The following SYTL3 variants were observed in gnomAD, a reference collection of about 807,000 sequenced individuals.
SYTL3 encodes synaptotagmin like 3.
SYTL3 carries 88 observed loss-of-function variants against 82.1 expected under a neutral mutation model. That is an observed-to-expected ratio of 1.07 (90% CI 0.90 to 1.28). The LOEUF (loss-of-function observed/expected upper bound fraction) is 1.28. Ranked by LOEUF, SYTL3 falls within the 50% of genes most tolerant of loss-of-function variation. SYTL3 has a pLI of 0.00. For missense variants in SYTL3, 831 were observed against 757.6 expected (o/e 1.10, Z -1.14); for synonymous variants, 311 against 289.4 (o/e 1.07, Z -0.76).
At chr6:158,659,527 G>A (rs2128358046) in intron 2 of SYTL3, among the ~76,000 whole-genome samples, 1 of 152,184 alleles carries the variant, frequency 6.6e-6, no homozygotes, top group East Asian at 1.9e-4. Context: ...GGCTAATTTT[G>A]TATTTTTAGT....
intron 12 of SYTL3, among the ~76,000 whole-genome samples, chr6:158,746,420 A>G (rs1449300300): frequency 4.7e-5 from 7 of 149,758 alleles, no homozygotes; most frequent in African/African-American, 1.7e-4. Context: ...ACTGACAGAC[A>G]TGAAAAGGTG....
At chr6:158,679,562 T>C (rs886946889) in intron 5 of SYTL3, among the ~76,000 whole-genome samples, 5 of 143,940 alleles carry the variant, frequency 3.5e-5, no homozygotes, top group Admixed American at 1.3e-4. Context: ...ATAAAAATAC[T>C]GTGGTATTTT....
At chr6:158,719,020 A>G (rs1422873616) in intron 10 of SYTL3, among the ~76,000 whole-genome samples, 1 of 152,154 alleles carries the variant, frequency 6.6e-6, no homozygotes, top group Non-Finnish European at 1.5e-5. Flanking sequence ...TTGAGAGTTC[A>G]CGTCCTGCCT....
intron 13 of SYTL3, among the ~76,000 whole-genome samples, chr6:158,756,845 T>A (rs547070102): frequency 6.7e-6 from 1 of 150,204 alleles, no homozygotes; most frequent in Non-Finnish European, 1.5e-5. Context: ...AGACTTTGGC[T>A]TGATTTCTAG....
intron 2 of SYTL3, among the ~76,000 whole-genome samples, chr6:158,654,048 T>C (rs552722710): frequency 2.6e-5 from 4 of 152,360 alleles, no homozygotes; most frequent in Admixed American, 1.3e-4. Flanking sequence ...CAAGATTTGC[T>C]GTTAGGCTGA....
At chr6:158,653,878 C>T (rs1009910112) in intron 2 of SYTL3, among the ~76,000 whole-genome samples, 1 of 152,222 alleles carries the variant, frequency 6.6e-6, no homozygotes, top group African/African-American at 2.4e-5. Context: ...TTCCTTTGAT[C>T]TGATGACTGA....
At chr6:158,746,863 A>G (rs1787735279) in intron 12 of SYTL3, among the ~76,000 whole-genome samples, 1 of 151,726 alleles carries the variant, frequency 6.6e-6, no homozygotes, top group Non-Finnish European at 1.5e-5. Context: ...TATGTTGCTC[A>G]ACCTGATCTT....
At chr6:158,729,834 G>A (rs1190290218) in intron 11 of SYTL3, among the ~76,000 whole-genome samples, 5 of 151,874 alleles carry the variant, frequency 3.3e-5, no homozygotes, top group African/African-American at 1.2e-4. Context: ...CCAAAGTGCT[G>A]GGATTACATA....
intron 13 of SYTL3, 89 bp downstream of exon 13, chr6:158,752,119 C>A: frequency 1.3e-6 from 1 of 791,648 alleles, no homozygotes; most frequent in Non-Finnish European, 1.9e-6. Flanking sequence ...TGCTTTCAAA[C>A]TCTTGACTCA....
intron 12 of SYTL3, among the ~76,000 whole-genome samples, chr6:158,746,385 T>G (rs1226534675): frequency 6.6e-6 from 1 of 151,246 alleles, no homozygotes; most frequent in Non-Finnish European, 1.5e-5. Context: ...ACACAATCCA[T>G]AAAGAGATTT....
chr6:158,730,634 A>C lies in SYTL3; in HGVS notation c.855+4997A>C, dbSNP rs539781646. Among the ~76,000 whole-genome samples, 103 of 152,328 alleles carry C rather than the reference A, an allele frequency of 6.8e-4. 1 individual carries two copies. Among genetic ancestry groups the C allele is most frequent in the African/African-American group, 2.4e-3 (100 of 41,568 alleles). On this transcript the variant is annotated intron_variant, in intron 11 of 17. Coordinates refer to ENST00000611299, the MANE Select transcript of SYTL3 (RefSeq NM_001242394.2). ...CCTGGACTCTCAGCAACGCGGAAAG[A>C]AAGCAGCCAGTAACCTGGAGTGCAG...
chr6:158,746,801 A>G (rs529927047), intron 12 of SYTL3, among the ~76,000 whole-genome samples: 2 of 143,214 alleles, frequency 1.4e-5, no homozygotes, highest in Admixed American at 6.9e-5. Context: ...CTTATTACTA[A>G]CAAAGATGAG....
At chr6:158,719,429 G>A (rs906351882) in intron 10 of SYTL3, among the ~76,000 whole-genome samples, 1 of 152,192 alleles carries the variant, frequency 6.6e-6, no homozygotes, top group African/African-American at 2.4e-5. Flanking sequence ...CAAATCAGTA[G>A]CTGCGGGGTG....
chr6:158,713,088 G>T (rs1338494802), intron 8 of SYTL3, among the ~76,000 whole-genome samples: 4 of 152,116 alleles, frequency 2.6e-5, no homozygotes, highest in Admixed American at 1.3e-4. Context: ...TGAGACTGGG[G>T]TGACCTTCAA....
intron 12 of SYTL3, among the ~76,000 whole-genome samples, chr6:158,747,518 C>T (rs887534295): frequency 1.6e-4 from 25 of 152,300 alleles, no homozygotes; most frequent in African/African-American, 5.8e-4. Flanking sequence ...GAGTGGAGTG[C>T]AATGGCACGA....
chr6:158,663,409 G>A, intron 4 of SYTL3, 31 bp downstream of exon 4: 1 of 1,610,056 alleles, frequency 6.2e-7, no homozygotes, highest in East Asian at 2.2e-5. Context: ...GGTCACTTTG[G>A]GTGTTTAGCT....
intron 12 of SYTL3, among the ~76,000 whole-genome samples, chr6:158,746,694 G>T (rs1322114743): frequency 1.3e-5 from 2 of 151,694 alleles, no homozygotes; most frequent in African/African-American, 4.8e-5. Context: ...TCGAATTCCT[G>T]ACCTCGTGAT....
chr6:158,750,322 T>C (rs1307232041), intron 12 of SYTL3, among the ~76,000 whole-genome samples: 1 of 152,154 alleles, frequency 6.6e-6, no homozygotes, highest in Non-Finnish European at 1.5e-5. Flanking sequence ...GATAGGGAAG[T>C]CACTGGTTAT....
chr6:158,683,465 C>T (rs952091260), intron 6 of SYTL3, among the ~76,000 whole-genome samples: 4 of 152,050 alleles, frequency 2.6e-5, no homozygotes, highest in Non-Finnish European at 2.9e-5. Context: ...ATGATCCGCC[C>T]GCCTCGGCCT....
Sources: allele counts gnomAD v4.1 joint callset (sites outside exome capture counted in the v4.1 genomes callset), GRCh38; gene constraint gnomAD v4.1.1; transcripts MANE v1.5; gene names NCBI Gene and HGNC (gene_info 2026-07-23, HGNC 2026-07-21).